The following PALM2AKAP2 variants were observed in gnomAD, a reference collection of about 807,000 sequenced individuals.
The protein encoded by PALM2AKAP2 is PALM2 and AKAP2 fusion, also known as PALM2-AKAP2 fusion protein.
PALM2AKAP2 carries 37 observed loss-of-function variants against 71.5 expected under a neutral mutation model. That is an observed-to-expected ratio of 0.52 (90% CI 0.40 to 0.68). The LOEUF (loss-of-function observed/expected upper bound fraction) is 0.68, where lower values mean the gene tolerates loss of function less well. PALM2AKAP2 is among the 30% of genes least tolerant of loss of function. The pLI is 0.00. For missense variants in PALM2AKAP2, 1,224 were observed against 1,191.8 expected, an observed-to-expected ratio of 1.03 and a Z score of -0.40; for synonymous variants, 468 against 478.8, an observed-to-expected ratio of 0.98 and a Z score of 0.29.
chr9:110,040,900 T>G (rs1014613802), intron 7 of PALM2AKAP2, among the ~76,000 whole-genome samples: 6 of 152,196 alleles, frequency 3.9e-5, no homozygotes. Flanking sequence ...AGGCATATTT[T>G]ATGTTTTCAG....
At chr9:110,162,003 T>G in intron 3 of PALM2AKAP2, 91 bp from the exon 10 acceptor site, 2 of 1,522,646 alleles carry the variant, frequency 1.3e-6, no homozygotes, top group Non-Finnish European at 1.8e-6. Flanking sequence ...CCTCCCATCC[T>G]CTTCTGGTGT....
chr9:109,681,657 A>G (rs2118519148), intron 1 of PALM2AKAP2, among the ~76,000 whole-genome samples: 1 of 152,334 alleles, frequency 6.6e-6, no homozygotes, highest in Admixed American at 6.5e-5. Context: ...TGGGTTTTTC[A>G]GAGAAAGCTG....
intron 6 of PALM2AKAP2, among the ~76,000 whole-genome samples, chr9:109,987,627 GAAC>G (rs946229817): frequency 4.5e-4 from 68 of 152,236 alleles, no homozygotes; most frequent in African/African-American, 1.6e-3. Context: ...CAGTTGGCTT[GAAC>G]AACAAGAAAA....
intron 5 of PALM2AKAP2, 50 bp from the exon 6 acceptor site, chr9:109,931,877 T>C: frequency 6.3e-7 from 1 of 1,596,114 alleles, no homozygotes. Flanking sequence ...GTGAACCCAT[T>C]GGGCCTCCCA....
At chr9:109,953,067 C>T (rs1036125052) in intron 6 of PALM2AKAP2, among the ~76,000 whole-genome samples, 3 of 152,136 alleles carry the variant, frequency 2.0e-5, no homozygotes, top group Admixed American at 6.5e-5. Context: ...CTGCTTTGGC[C>T]TCCTTTAGAT....
chr9:109,716,561 G>A (rs1264027154), intron 1 of PALM2AKAP2, among the ~76,000 whole-genome samples: 1 of 149,672 alleles, frequency 6.7e-6, no homozygotes, highest in Non-Finnish European at 1.5e-5. Flanking sequence ...GCTAAATCTG[G>A]CATCTGTAAG....
chr9:110,054,089 T>C (rs548816424), intron 1 of PALM2AKAP2, among the ~76,000 whole-genome samples: 6 of 152,322 alleles, frequency 3.9e-5, no homozygotes, highest in African/African-American at 1.4e-4. Flanking sequence ...AAAATCTTAG[T>C]TCATTCATCT....
chr9:109,640,810 C>G, exon 1 of PALM2AKAP2: 2 of 1,504,976 alleles, frequency 1.3e-6, no homozygotes, highest in African/African-American at 1.4e-5. Context: ...CCGGGAGAGG[C>G]GAGCAGCGCC....
intron 7 of PALM2AKAP2, among the ~76,000 whole-genome samples, chr9:110,036,012 G>A (rs545976443): frequency 2.6e-5 from 4 of 151,886 alleles, no homozygotes; most frequent in African/African-American, 9.7e-5. Flanking sequence ...CGTGATCTCA[G>A]CTCACTGCAA....
chr9:110,035,433 G>A (rs889072155), intron 7 of PALM2AKAP2, among the ~76,000 whole-genome samples: 42 of 115,092 alleles, frequency 3.6e-4, no homozygotes, highest in Admixed American at 2.2e-3. Context: ...TATTATATAC[G>A]TATATTATGC....
At chr9:109,816,978 A>G (rs1827869888) in intron 1 of PALM2AKAP2, among the ~76,000 whole-genome samples, 1 of 152,198 alleles carries the variant, frequency 6.6e-6, no homozygotes, top group Non-Finnish European at 1.5e-5. Context: ...ATTTTTTTAA[A>G]AACTATAGGA....
At chr9:109,706,303 A>ATT (rs150858595) in intron 1 of PALM2AKAP2, among the ~76,000 whole-genome samples, 1 of 151,662 alleles carries the variant, frequency 6.6e-6, no homozygotes, top group Non-Finnish European at 1.5e-5. Context: ...TGAATTCAGG[A>ATT]TTATTTTTTT....
intron 3 of PALM2AKAP2, among the ~76,000 whole-genome samples, chr9:109,920,037 T>C (rs926856626): frequency 6.6e-6 from 1 of 152,160 alleles, no homozygotes; most frequent in African/African-American, 2.4e-5. Flanking sequence ...TTGCCTCAGG[T>C]CTATTCCATG....
intron 1 of PALM2AKAP2, among the ~76,000 whole-genome samples, chr9:109,641,597 G>C (rs1321127990): frequency 6.6e-6 from 1 of 152,176 alleles, no homozygotes; most frequent in Non-Finnish European, 1.5e-5. Context: ...TCCCTACATT[G>C]CTTTTTGGAC....
chr9:109,752,701 G>C (rs1828902438), intron 1 of PALM2AKAP2, among the ~76,000 whole-genome samples: 2 of 152,114 alleles, frequency 1.3e-5, no homozygotes. Flanking sequence ...TATTTCCTAA[G>C]AACAAGAGGA....
chr9:109,660,084 T>C (rs533446261), intron 1 of PALM2AKAP2, among the ~76,000 whole-genome samples: 1 of 152,300 alleles, frequency 6.6e-6, no homozygotes, highest in South Asian at 2.1e-4. Context: ...TCCTCCCATG[T>C]TGGCCTTCCA....
chr9:110,101,220 C>A (rs922287078), intron 1 of PALM2AKAP2, among the ~76,000 whole-genome samples: 6 of 152,136 alleles, frequency 3.9e-5, no homozygotes, highest in African/African-American at 1.2e-4. Context: ...TCAAAACTTG[C>A]CAAAACAGAA....
intron 1 of PALM2AKAP2, among the ~76,000 whole-genome samples, chr9:110,072,297 G>T (rs1277475995): frequency 6.6e-6 from 1 of 152,162 alleles, no homozygotes; most frequent in Admixed American, 6.6e-5. Context: ...ACTGTTGCTT[G>T]GGATGGCGGG....
chr9:109,653,904 C>T (rs1827260322), intron 1 of PALM2AKAP2, among the ~76,000 whole-genome samples: 1 of 152,182 alleles, frequency 6.6e-6, no homozygotes, highest in South Asian at 2.1e-4. Flanking sequence ...AGTAAACACA[C>T]AGAGCAAAAC....
Sources: allele counts gnomAD v4.1 joint callset (sites outside exome capture counted in the v4.1 genomes callset), GRCh38; gene constraint gnomAD v4.1.1; transcripts MANE v1.5; gene names NCBI Gene and HGNC (gene_info 2026-07-23, HGNC 2026-07-21).